The following KDM4A variants were observed in gnomAD, a reference collection of about 807,000 sequenced individuals.
KDM4A encodes lysine demethylase 4A, also known as lysine-specific demethylase 4A.
In KDM4A, 23 loss-of-function variants were observed where a neutral mutation model predicts 127.1. The observed-to-expected ratio is 0.18, with a 90% CI of 0.13 to 0.26. The LOEUF is 0.26. Among genes scored for constraint, KDM4A ranks in the 10% least tolerant of loss-of-function variants. The pLI is 1.00. For synonymous variants in KDM4A, 443 were observed against 466.5 expected (o/e 0.95, Z 0.65); for missense variants, 890 against 1,329.1 (o/e 0.67, Z 5.14).
At chr1:43,697,541 ATGT>A (rs1286639367) in intron 18 of KDM4A, among the ~76,000 whole-genome samples, 2 of 152,174 alleles carry the variant, frequency 1.3e-5, no homozygotes, top group African/African-American at 4.8e-5. Flanking sequence ...TCAGAGGTCC[ATGT>A]TGTTGTTCAG....
chr1:43,677,344 C>CAAAAAAAAA (rs35771419), intron 11 of KDM4A, among the ~76,000 whole-genome samples: 2 of 65,808 alleles, frequency 3.0e-5, no homozygotes. Context: ...GACTCCATCT[C>CAAAAAAAAA]AAAAAAAAAA....
chr1:43,655,388 C>T (rs532376596), intron 2 of KDM4A, among the ~76,000 whole-genome samples: 1 of 152,262 alleles, frequency 6.6e-6, no homozygotes, highest in African/African-American at 2.4e-5. Context: ...CCTTAGGTTG[C>T]TGCAATTAGG....
intron 1 of KDM4A, among the ~76,000 whole-genome samples, chr1:43,651,192 T>C (rs1055909614): frequency 1.3e-5 from 2 of 152,232 alleles, no homozygotes; most frequent in African/African-American, 4.8e-5. Flanking sequence ...GTAAGATATT[T>C]TGGATTCATT....
At position 43,683,650 on chromosome 1, in the gene KDM4A, A is replaced by G. The variant is rs752553783; in HGVS notation, c.1735-34A>G. 26 of 1,605,232 alleles carry G rather than the reference A, an allele frequency of 1.6e-5. No homozygotes were observed. In the South Asian group the frequency reaches 2.9e-4, roughly 18 times the overall value. On this transcript the variant is annotated intron_variant, in intron 11 of 21. Coordinates refer to ENST00000372396, the MANE Select transcript of KDM4A (RefSeq NM_014663.3). ...GACTTGTGCTGTGTCTCAAGTGGAG[A>G]CAAGACCAATTTAATTTCTTGTGGT...
intron 8 of KDM4A, among the ~76,000 whole-genome samples, chr1:43,667,527 G>T (rs1259803156): frequency 6.6e-6 from 1 of 152,188 alleles, no homozygotes; most frequent in African/African-American, 2.4e-5. Flanking sequence ...ACCACCCTCT[G>T]TGACCCCGAG....
At chr1:43,657,583 G>T (rs1463253153) in intron 3 of KDM4A, among the ~76,000 whole-genome samples, 1 of 152,062 alleles carries the variant, frequency 6.6e-6, no homozygotes, top group Admixed American at 6.6e-5. Context: ...TTGAAGAAAT[G>T]TGGGGCTCTG....
chr1:43,654,727 GTGTGTGTGTGTGT>G (rs201703162), intron 2 of KDM4A, among the ~76,000 whole-genome samples: 36,813 of 136,594 alleles, frequency 0.27, 5,482 homozygotes, highest in Middle Eastern at 0.36. Flanking sequence ...GTGTGTGTGT[GTGTGTGTGTGTGT>G]TGTTTTCTCC....
At chr1:43,670,796 C>T (rs894992702) in intron 10 of KDM4A, among the ~76,000 whole-genome samples, 6 of 151,958 alleles carry the variant, frequency 3.9e-5, no homozygotes, top group East Asian at 1.9e-4. Flanking sequence ...CTCCTGACAT[C>T]GTGATCCGCC....
chr1:43,661,061 G>A (rs1233653385), intron 4 of KDM4A, among the ~76,000 whole-genome samples: 4 of 151,176 alleles, frequency 2.6e-5, no homozygotes, highest in African/African-American at 9.7e-5. Context: ...CGCAACCTCC[G>A]CCTCCCGGGT....
chr1:43,676,570 C>T lies in KDM4A; in HGVS notation c.1734+4695C>T, dbSNP rs1660746572. Among the ~76,000 whole-genome samples, 6 of 152,128 alleles carry T rather than the reference C, an allele frequency of 3.9e-5. No homozygotes were observed. In the South Asian group the frequency reaches 6.2e-4, roughly 16 times the overall value. ...CCCTGCCCTCGTGATCCACCTGCCT[C>T]GGCCTCCCAAAGTGATGGGATTGCA... On this transcript the variant is annotated intron_variant, in intron 11 of 21. Transcript: ENST00000372396.
chr1:43,704,506 A>G lies in KDM4A; in HGVS notation c.*136A>G, dbSNP rs1432224938. ...AAAGGAATGAAATAACCGACCCATC[A>G]TCTTCTCACCCACCCTCATTGCATT... On this transcript the variant is annotated 3_prime_UTR_variant, in exon 22 of 22. Coordinates refer to ENST00000372396, the MANE Select transcript of KDM4A (RefSeq NM_014663.3). 7 of 949,264 alleles carry G rather than the reference A, an allele frequency of 7.4e-6. No individual in the cohort carries two copies. Among genetic ancestry groups the G allele is most frequent in the Non-Finnish European group, 1.1e-5 (7 of 632,634 alleles). The allele number at this position is 949,264 out of a possible 1,614,324, so 58.8% of individuals were successfully genotyped here.
intron 3 of KDM4A, among the ~76,000 whole-genome samples, chr1:43,658,502 AT>A (rs10686056): frequency 0.13 from 16,697 of 131,548 alleles, 1,197 homozygotes; most frequent in African/African-American, 0.26. Flanking sequence ...ACTTAGTCAG[AT>A]TTTTTTTTTT....
chr1:43,669,391 AG>A, intron 10 of KDM4A, 92 bp downstream of exon 10: 1 of 1,299,158 alleles, frequency 7.7e-7, no homozygotes, highest in South Asian at 1.2e-5. Context: ...GAAATAAAAA[AG>A]GCAGAGTGAC....
rs749679383 is a variant in KDM4A, at chr1:43,704,046, T to G, written c.2988T>G (p.Leu996=). 10 of 1,613,956 alleles carry G rather than the reference T, an allele frequency of 6.2e-6. No individual in the cohort carries two copies. The highest frequency in any genetic ancestry group is 8.5e-7 in the Non-Finnish European group (1 of 1,179,988). The change falls in exon 21 of 22, where the codon CTT becomes CTG. Residue 996 remains leucine (L), a synonymous_variant. Coordinates refer to ENST00000372396, the MANE Select transcript of KDM4A (RefSeq NM_014663.3). ...YQVEFEDGSQ[L]VVKRDDVYTL... The stretch of plus-strand genomic sequence containing the variant: ...TGGAGTTTGAGGATGGCTCACAACT[T>G]GTGGTTAAGAGAGATGATGTATACA...
chr1:43,698,753 A>T (rs1661305417), intron 19 of KDM4A, among the ~76,000 whole-genome samples: 1 of 152,234 alleles, frequency 6.6e-6, no homozygotes, highest in South Asian at 2.1e-4. Context: ...AAAAGGCGAC[A>T]TTAGTAGTAC....
At chr1:43,663,783 C>G (rs1660438992) in intron 5 of KDM4A, among the ~76,000 whole-genome samples, 1 of 152,002 alleles carries the variant, frequency 6.6e-6, no homozygotes, top group Non-Finnish European at 1.5e-5. Flanking sequence ...ACCACTATGC[C>G]CAGCTAATTT....
chr1:43,690,895 C>A lies in KDM4A; in HGVS notation c.2088C>A (p.Ala696=). 3 of 1,614,136 alleles carry A rather than the reference C, an allele frequency of 1.9e-6. No individual in the cohort carries two copies. The highest frequency in any genetic ancestry group is 2.5e-6 in the Non-Finnish European group (3 of 1,180,024). Residue 696 remains alanine, a synonymous_variant, in exon 14 of 22, where the codon GCC becomes GCA. Coordinates refer to ENST00000372396, the MANE Select transcript of KDM4A (RefSeq NM_014663.3). ...ACTGTGGAAATGCTTCAGATTTAGC[C>A]CCCCAGAAGCAGAGGACCAAGCCAT... ...NQNCGNASDL[A]PQKQRTKPLI...
intron 8 of KDM4A, 26 bp downstream of exon 8, chr1:43,667,117 A>G: frequency 6.2e-7 from 1 of 1,612,978 alleles, no homozygotes; most frequent in Non-Finnish European, 8.5e-7. Context: ...TTCTTTCTAT[A>G]ACACCATGAC....
chr1:43,702,621 A>G (rs1308138104), intron 19 of KDM4A: 1 of 152,132 alleles, frequency 6.6e-6, no homozygotes, highest in Non-Finnish European at 1.5e-5. Context: ...ACCAAGCCCT[A>G]TGCTGGGAAT....
Sources: gnomAD v4.1 joint callset for allele counts (sites outside exome capture counted in the v4.1 genomes callset) on GRCh38, gnomAD v4.1.1 for gene constraint, MANE v1.5 for transcripts, NCBI Gene and HGNC (gene_info 2026-07-23, HGNC 2026-07-21) for gene names.